Variants in KCNMA1 observed in about 807,000 individuals in gnomAD.
KCNMA1 encodes the protein potassium calcium-activated channel subfamily M alpha 1.
In KCNMA1, 29 loss-of-function variants were observed where a neutral mutation model predicts 140.0. The observed-to-expected ratio is 0.21, with a 90% confidence interval of 0.15 to 0.28. The LOEUF (loss-of-function observed/expected upper bound fraction) is 0.28. Ranked by LOEUF, KCNMA1 falls within the 10% of genes least tolerant of loss-of-function variation. The pLI, the probability that KCNMA1 is intolerant of heterozygous loss-of-function variation, is 1.00. For missense variants in KCNMA1, 880 were observed against 1,602.2 expected (o/e 0.55, Z 7.70); for synonymous variants, 612 against 611.9 (o/e 1.00, Z 0.00).
intron 25 of KCNMA1, among the ~76,000 whole-genome samples, chr10:76,892,190 C>A (rs976239542): frequency 3.3e-5 from 5 of 152,288 alleles, no homozygotes; most frequent in Admixed American, 2.6e-4. Flanking sequence ...TTCATTAATG[C>A]CACACGCTTA....
At chr10:77,274,992 C>T (rs1399427269) in intron 2 of KCNMA1, among the ~76,000 whole-genome samples, 1 of 152,208 alleles carries the variant, frequency 6.6e-6, no homozygotes, top group Admixed American at 6.5e-5. Flanking sequence ...CCTCCTGCAG[C>T]TAACACACAG....
At chr10:77,089,905 C>T (rs1290524970) in intron 10 of KCNMA1, among the ~76,000 whole-genome samples, 1 of 152,142 alleles carries the variant, frequency 6.6e-6, no homozygotes, top group Non-Finnish European at 1.5e-5. Flanking sequence ...TGCACAGTGA[C>T]GGGCTAGGGT....
At chr10:77,221,178 C>A (rs897142081) in intron 3 of KCNMA1, among the ~76,000 whole-genome samples, 1 of 152,154 alleles carries the variant, frequency 6.6e-6, no homozygotes, top group Non-Finnish European at 1.5e-5. Context: ...CCATCCAGTT[C>A]CTCTTCCCCT....
intron 5 of KCNMA1, among the ~76,000 whole-genome samples, chr10:77,151,545 C>T (rs116181031): frequency 0.012 from 1,837 of 152,230 alleles, 46 homozygotes; most frequent in African/African-American, 0.043. Flanking sequence ...GCAGTTTCTA[C>T]AGCTACTTTG....
chr10:77,324,853 A>C (rs1480537338), intron 2 of KCNMA1, among the ~76,000 whole-genome samples: 1 of 151,968 alleles, frequency 6.6e-6, no homozygotes, highest in African/African-American at 2.4e-5. Context: ...CAAACCTCCA[A>C]GTTATCTGGG....
intron 25 of KCNMA1, among the ~76,000 whole-genome samples, chr10:76,894,298 C>G (rs1268078335): frequency 3.9e-5 from 6 of 152,192 alleles, no homozygotes; most frequent in Non-Finnish European, 7.4e-5. Flanking sequence ...AAAGTGGGAC[C>G]TATACCTCAC....
chr10:77,242,591 T>C (rs2057540027), intron 3 of KCNMA1, among the ~76,000 whole-genome samples: 1 of 152,174 alleles, frequency 6.6e-6, no homozygotes, highest in Non-Finnish European at 1.5e-5. Flanking sequence ...CTTGTTCTTG[T>C]TTTGTTATCT....
chr10:77,220,882 T>C (rs2154189158), intron 3 of KCNMA1, among the ~76,000 whole-genome samples: 1 of 152,298 alleles, frequency 6.6e-6, no homozygotes, highest in Non-Finnish European at 1.5e-5. Context: ...GACCTAACCA[T>C]TAGCAACTGG....
intron 19 of KCNMA1, chr10:76,974,471 C>T: frequency 6.8e-7 from 1 of 1,480,144 alleles, no homozygotes; most frequent in Non-Finnish European, 9.2e-7. Flanking sequence ...GGGAATGGGT[C>T]CCAGTCTTCC....
At chr10:77,360,878 G>A (rs569440161) in intron 2 of KCNMA1, among the ~76,000 whole-genome samples, 24 of 152,288 alleles carry the variant, frequency 1.6e-4, no homozygotes, top group Non-Finnish European at 2.8e-4. Flanking sequence ...GCACTAGCAC[G>A]GAGGCCTGAG....
chr10:77,288,431 G>A (rs572200216), intron 2 of KCNMA1, among the ~76,000 whole-genome samples: 1 of 152,352 alleles, frequency 6.6e-6, no homozygotes, highest in East Asian at 1.9e-4. Flanking sequence ...TGAATGTGAT[G>A]ACAGAGTAGC....
chr10:77,203,632 G>A lies in KCNMA1; in HGVS notation c.603-18716C>T, dbSNP rs566877126. Among the ~76,000 whole-genome samples, 182 of 152,176 alleles carry A rather than the reference G, an allele frequency of 1.2e-3. 1 individual carries two copies. Among genetic ancestry groups the A allele is most frequent in the South Asian group, 1.7e-3 (8 of 4,814 alleles). ...CTGGGTTCCCATCATCATGGTACCCGCAAAATAGGCCCTCAATACATGTTT... is the reference window on the plus strand; with the variant it reads ...CTGGGTTCCCATCATCATGGTACCCACAAAATAGGCCCTCAATACATGTTT... On this transcript the variant is annotated intron_variant, in intron 3 of 27. Coordinates refer to ENST00000286628, the MANE Select transcript of KCNMA1 (RefSeq NM_001161352.2).
intron 2 of KCNMA1, among the ~76,000 whole-genome samples, chr10:77,349,932 C>T (rs537892406): frequency 1.3e-5 from 2 of 152,292 alleles, no homozygotes; most frequent in South Asian, 4.2e-4. Context: ...CTCGCTCTGT[C>T]ACCCAGCCTG....
rs2096504449 is a variant in KCNMA1 at position 77,079,466 on chromosome 10, C to T, written c.1593+15G>A. 2.5e-6 allele frequency: 4 copies of T among 1,590,790 alleles called. No homozygotes were observed. In the East Asian group the frequency reaches 6.7e-5, roughly 27 times the overall value. On this transcript the variant is annotated intron_variant, in intron 13 of 27. Coordinates refer to ENST00000286628, the MANE Select transcript of KCNMA1 (RefSeq NM_001161352.2). ...GATGGGTCTTCAGACCTGGAGCGGGCTCTCGCACTCCTACCTTGTTGTGAT... is the reference window on the plus strand; with the variant it reads ...GATGGGTCTTCAGACCTGGAGCGGGTTCTCGCACTCCTACCTTGTTGTGAT...
intron 16 of KCNMA1, among the ~76,000 whole-genome samples, chr10:77,024,726 C>G (rs2093236538): frequency 6.6e-6 from 1 of 152,062 alleles, no homozygotes; most frequent in South Asian, 2.1e-4. Flanking sequence ...TCTCAATAAA[C>G]AGTACTAACT....
Position 76,886,744 on chromosome 10 carries a change from A to C in KCNMA1, c.*522T>G. 1 of 1,013,130 alleles carries C rather than the reference A, an allele frequency of 9.9e-7. No homozygotes were observed. The highest frequency in any genetic ancestry group is 4.0e-5 in the South Asian group (1 of 24,920). 62.8% of individuals were successfully genotyped at this position (1,013,130 alleles called of 1,614,324 possible). On this transcript the variant is annotated 3_prime_UTR_variant, in exon 28 of 28. Coordinates refer to ENST00000286628, the MANE Select transcript of KCNMA1 (RefSeq NM_001161352.2). ...TGCTTCGCAATACTTCGGCCCAGAG[A>C]CTGGAAACAATCAATATGTTTTCAT...
chr10:77,601,405 G>A (rs1057062737), intron 1 of KCNMA1, among the ~76,000 whole-genome samples: 2 of 152,206 alleles, frequency 1.3e-5, no homozygotes, highest in East Asian at 3.9e-4. Flanking sequence ...ATTGACTAAT[G>A]TGTGATGTCC....
intron 21 of KCNMA1, chr10:76,952,135 C>T: frequency 6.4e-7 from 1 of 1,551,714 alleles, no homozygotes; most frequent in Non-Finnish European, 8.7e-7. Context: ...ACCCTAGGTC[C>T]CAGATACGGC....
intron 2 of KCNMA1, among the ~76,000 whole-genome samples, chr10:77,285,755 C>A (rs1253338967): frequency 2.0e-5 from 3 of 152,192 alleles, no homozygotes; most frequent in Non-Finnish European, 2.9e-5. Context: ...AATGCTGCCT[C>A]TGCCCCTTAC....
Sources: gnomAD v4.1 joint callset for allele counts (sites outside exome capture counted in the v4.1 genomes callset) on GRCh38, gnomAD v4.1.1 for gene constraint, MANE v1.5 for transcripts, NCBI Gene and HGNC (gene_info 2026-07-23, HGNC 2026-07-21) for gene names.